PRTFDC1: variants seen among roughly 807,000 people sequenced by gnomAD.
PRTFDC1 encodes the protein phosphoribosyltransferase domain-containing protein 1.
PRTFDC1 carries 38 observed loss-of-function variants against 34.6 expected under a neutral mutation model. The ratio of observed to expected loss-of-function variants is 1.10; its 90% CI spans 0.85 to 1.44. The LOEUF (loss-of-function observed/expected upper bound fraction) is 1.44, where lower values mean the gene tolerates loss of function less well. Ranked by LOEUF, PRTFDC1 falls within the 40% of genes most tolerant of loss-of-function variation. The probability of loss-of-function intolerance (pLI) is 0.00; values close to 1 mark genes in which losing one functional copy is unlikely to be tolerated. For missense variants in PRTFDC1, 270 were observed against 283.0 expected, an observed-to-expected ratio of 0.95 and a Z score of 0.33; for synonymous variants, 93 against 98.1, an observed-to-expected ratio of 0.95 and a Z score of 0.31.
At chr10:24,884,333 A>T (rs1240890341) in intron 3 of PRTFDC1, among the ~76,000 whole-genome samples, 1 of 152,186 alleles carries the variant, frequency 6.6e-6, no homozygotes, top group Non-Finnish European at 1.5e-5. Flanking sequence ...ATTCTGTGCC[A>T]TGGAGCCATG....
intron 3 of PRTFDC1, among the ~76,000 whole-genome samples, chr10:24,872,766 GTA>G (rs1270996264): frequency 0.016 from 1,754 of 108,056 alleles, 44 homozygotes; most frequent in African/African-American, 0.054. Flanking sequence ...ACGTGTGTGT[GTA>G]TATATATATG....
intron 3 of PRTFDC1, among the ~76,000 whole-genome samples, chr10:24,933,192 T>G (rs1252830917): frequency 6.6e-6 from 1 of 151,962 alleles, no homozygotes; most frequent in Non-Finnish European, 1.5e-5. Flanking sequence ...AAAATCTTTG[T>G]GATCTTGGGT....
intron 4 of PRTFDC1, 72 bp downstream of exon 4, chr10:24,871,926 T>C: frequency 7.5e-7 from 1 of 1,327,134 alleles, no homozygotes; most frequent in African/African-American, 1.5e-5. Context: ...GTCCTGTGAG[T>C]GCTGACCTGA....
At position 24,858,401 on chromosome 10, in the gene PRTFDC1, G is replaced by A. The variant is rs993192687; in HGVS notation, c.414C>T (p.Leu138=). ...DLSTLAGKNV[L]IVEDVVGTGR... is the part of the protein sequence containing the mutation. ...GGAAATGCCAGCTTACCTCAACAATGAGAACATTCTGAAATAAACAAAACC... is the reference window on the plus strand; with the variant it reads ...GGAAATGCCAGCTTACCTCAACAATAAGAACATTCTGAAATAAACAAAACC... The change falls in exon 5 of 9, where the codon CTC becomes CTT. Residue 138 remains leucine (L), a synonymous_variant. Transcript: ENST00000320152. 9.3e-6 allele frequency: 15 copies of A among 1,613,188 alleles called. No homozygotes were observed. In the Admixed American group the frequency reaches 1.7e-4, roughly 18 times the overall value.
intron 4 of PRTFDC1, among the ~76,000 whole-genome samples, chr10:24,858,915 T>C (rs1847628110): frequency 1.3e-5 from 2 of 152,164 alleles, no homozygotes; most frequent in African/African-American, 4.8e-5. Flanking sequence ...GAGGGTAGGC[T>C]AGAGAAAGGG....
At chr10:24,878,665 C>A (rs934850767) in intron 3 of PRTFDC1, among the ~76,000 whole-genome samples, 1 of 152,154 alleles carries the variant, frequency 6.6e-6, no homozygotes, top group Non-Finnish European at 1.5e-5. Flanking sequence ...GATAGCGCAG[C>A]AGGGGAGACG....
intron 4 of PRTFDC1, among the ~76,000 whole-genome samples, chr10:24,860,519 T>C (rs1177088682): frequency 6.6e-6 from 1 of 152,216 alleles, no homozygotes; most frequent in East Asian, 1.9e-4. Context: ...CTTTGCACCG[T>C]ATATCAAACA....
chr10:24,904,768 C>T (rs1014620880), intron 3 of PRTFDC1, among the ~76,000 whole-genome samples: 1 of 152,172 alleles, frequency 6.6e-6, no homozygotes, highest in Non-Finnish European at 1.5e-5. Flanking sequence ...GTCCATGTGC[C>T]CCTCTTCACC....
intron 3 of PRTFDC1, among the ~76,000 whole-genome samples, chr10:24,899,960 T>C (rs2132551840): frequency 6.6e-6 from 1 of 152,276 alleles, no homozygotes; most frequent in East Asian, 1.9e-4. Context: ...GGAAAATGGA[T>C]TGGAAAAGAA....
At chr10:24,950,400 T>A (rs183992685) in intron 1 of PRTFDC1, among the ~76,000 whole-genome samples, 25 of 152,272 alleles carry the variant, frequency 1.6e-4, no homozygotes, top group Admixed American at 7.2e-4. Context: ...AAGCATCTCC[T>A]TTCAGCATCA....
intron 3 of PRTFDC1, among the ~76,000 whole-genome samples, chr10:24,880,816 T>TTTCTTTCC (rs1565264420): frequency 3.6e-5 from 2 of 55,116 alleles, no homozygotes; most frequent in Non-Finnish European, 7.5e-5. Flanking sequence ...TGTCTTTCTC[T>TTTCTTTCC]TTCTTTCTTT....
At chr10:24,945,202 G>A (rs1402685504) in intron 1 of PRTFDC1, among the ~76,000 whole-genome samples, 2 of 152,172 alleles carry the variant, frequency 1.3e-5, no homozygotes, top group Middle Eastern at 3.2e-3. Flanking sequence ...AGCTCCTTCT[G>A]GCGGAGACTT....
At chr10:24,865,514 A>C (rs959971028) in intron 4 of PRTFDC1, among the ~76,000 whole-genome samples, 1 of 152,174 alleles carries the variant, frequency 6.6e-6, no homozygotes, top group Non-Finnish European at 1.5e-5. Context: ...GAAAGCCAGT[A>C]AAATCTGCAG....
intron 2 of PRTFDC1, among the ~76,000 whole-genome samples, chr10:24,938,753 G>A (rs1404716682): frequency 6.6e-6 from 1 of 152,202 alleles, no homozygotes; most frequent in Admixed American, 6.5e-5. Context: ...ACAGCAGAGT[G>A]AGTTCAAGCC....
intron 4 of PRTFDC1, among the ~76,000 whole-genome samples, chr10:24,866,383 A>G (rs375311829): frequency 6.6e-6 from 1 of 151,510 alleles, no homozygotes; most frequent in Non-Finnish European, 1.5e-5. Flanking sequence ...AAAAAAAAGA[A>G]AAAAAAACTT....
At chr10:24,892,158 A>AT (rs932953567) in intron 3 of PRTFDC1, among the ~76,000 whole-genome samples, 46 of 148,794 alleles carry the variant, frequency 3.1e-4, no homozygotes, top group South Asian at 6.4e-4. Flanking sequence ...TGGTAGTTCT[A>AT]TTTTTTTTTT....
At chr10:24,951,634 A>G in intron 1 of PRTFDC1, 1 of 983,996 alleles carries the variant, frequency 1.0e-6, no homozygotes, top group Non-Finnish European at 1.2e-6. Flanking sequence ...AGTTAGCCCC[A>G]CCCACCATCC....
At chr10:24,917,780 T>A (rs1848718389) in intron 3 of PRTFDC1, among the ~76,000 whole-genome samples, 1 of 151,936 alleles carries the variant, frequency 6.6e-6, no homozygotes, top group Non-Finnish European at 1.5e-5. Flanking sequence ...TAGATGGAGG[T>A]CTTTTCTTTA....
At chr10:24,910,053 C>T (rs571566361) in intron 3 of PRTFDC1, among the ~76,000 whole-genome samples, 5 of 151,374 alleles carry the variant, frequency 3.3e-5, no homozygotes, top group South Asian at 2.1e-4. Context: ...CCCAGCTTCT[C>T]GGGAGGCTGA....
Sources: allele counts gnomAD v4.1 joint callset (sites outside exome capture counted in the v4.1 genomes callset), GRCh38; gene constraint gnomAD v4.1.1; transcripts MANE v1.5; gene names NCBI Gene and HGNC (gene_info 2026-07-23, HGNC 2026-07-21).